The following TMEFF1 variants were observed in gnomAD, a reference collection of about 807,000 sequenced individuals.
TMEFF1 encodes tomoregulin-1.
In TMEFF1, 20 loss-of-function variants were observed where a neutral mutation model predicts 47.5. The observed-to-expected ratio is 0.42, with a 90% CI of 0.30 to 0.61. TMEFF1 has a LOEUF of 0.61. Among genes scored for constraint, TMEFF1 ranks in the 20% least tolerant of loss-of-function variants. The pLI, the probability that TMEFF1 is intolerant of heterozygous loss-of-function variation, is 0.19. For synonymous variants in TMEFF1, 162 were observed against 166.3 expected (o/e 0.97, Z 0.20); for missense variants, 411 against 471.1 (o/e 0.87, Z 1.18).
rs1187115730 is a variant in TMEFF1 at position 100,576,516 on chromosome 9, A to G, written c.1059A>G (p.Arg353=). The G allele has an allele frequency of 1.2e-6, 2 of 1,606,638 alleles. No individual in the cohort carries two copies. The highest frequency in any genetic ancestry group is 2.2e-5 in the East Asian group (1 of 44,808). The change falls in exon 10 of 10, where the codon AGA becomes AGG. Residue 353 remains arginine (R), a splice_region_variant and synonymous_variant. Transcript: ENST00000374879. ...IIVAIVMCIT[R]KCPKNNRGRR... The stretch of plus-strand genomic sequence containing the variant: ...TCTCTTTCTTTTTTTAATGCAACAG[A>G]AAATGCCCCAAAAACAATAGAGGAC...
Position 100,526,955 on chromosome 9 carries a change from C to CAAAAA in TMEFF1, c.560+10206_560+10210dup, listed in dbSNP as rs55736750. The stretch of plus-strand genomic sequence containing the variant: ...TGAAACCCTGTCTCTGCTAAAAATA[C>CAAAAA]AAAAAAAAAAAAAAAAAAAAAAAAA... On this transcript the variant is annotated intron_variant, in intron 5 of 9. Transcript: ENST00000374879. Among the ~76,000 whole-genome samples the CAAAAA allele has an allele frequency of 9.0e-4, 35 of 38,976 alleles. 1 individual carries two copies. The highest frequency in any genetic ancestry group is 2.9e-3 in the African/African-American group (32 of 11,076). 25.6% of individuals were successfully genotyped at this position (38,976 alleles called of 152,430 possible).
At chr9:100,572,402 G>A (rs1248293678) in intron 8 of TMEFF1, 116 bp from the exon 9 acceptor site, 1 of 1,189,232 alleles carries the variant, frequency 8.4e-7, no homozygotes, top group Admixed American at 3.3e-5. Flanking sequence ...GTAGGAAAGT[G>A]CATGATATCC....
intron 8 of TMEFF1, among the ~76,000 whole-genome samples, chr9:100,568,459 G>T (rs1012348240): frequency 6.6e-6 from 1 of 152,136 alleles, no homozygotes; most frequent in Non-Finnish European, 1.5e-5. Context: ...CTTTAAATGA[G>T]GACCAATGAG....
At chr9:100,530,081 C>T (rs368667840) in intron 5 of TMEFF1, among the ~76,000 whole-genome samples, 20 of 151,556 alleles carry the variant, frequency 1.3e-4, no homozygotes, top group Middle Eastern at 3.4e-3. Context: ...ATCTCTGGGA[C>T]GCATTCAAAG....
At position 100,561,407 on chromosome 9, in the gene TMEFF1, T is replaced by C. The variant is rs1489280382; in HGVS notation, c.786T>C (p.Asp262=). 1 of 1,612,824 alleles carries C rather than the reference T, an allele frequency of 6.2e-7. No homozygotes were observed. The highest frequency in any genetic ancestry group is 1.7e-5 in the Admixed American group (1 of 59,818). ...QYRPDVKDAS[D]QREDVYIGNH... is the part of the protein sequence containing the mutation. ...TTATGTTCTTTTAAGATGCTAGTGATCAAAGAGAAGATGTTTATATTGGAA... is the reference window on the plus strand; with the variant it reads ...TTATGTTCTTTTAAGATGCTAGTGACCAAAGAGAAGATGTTTATATTGGAA... Residue 262 remains aspartate, a synonymous_variant, in exon 8 of 10, where the codon GAT becomes GAC. Transcript: ENST00000374879.
intron 1 of TMEFF1, among the ~76,000 whole-genome samples, chr9:100,482,162 A>G (rs993322364): frequency 4.8e-5 from 7 of 144,460 alleles, no homozygotes. Context: ...TTTTCTGCCG[A>G]CTCTTCTTCT....
intron 5 of TMEFF1, among the ~76,000 whole-genome samples, chr9:100,537,933 T>A (rs1163971559): frequency 6.6e-6 from 1 of 152,192 alleles, no homozygotes; most frequent in African/African-American, 2.4e-5. Flanking sequence ...AAAATTTTTT[T>A]CTGTTTCCTT....
At chr9:100,506,623 C>T (rs998025800) in intron 2 of TMEFF1, among the ~76,000 whole-genome samples, 3 of 151,770 alleles carry the variant, frequency 2.0e-5, no homozygotes, top group Admixed American at 6.6e-5. Flanking sequence ...AAAAATTAGC[C>T]GGACGTGGTG....
At chr9:100,505,537 C>G (rs1429026860) in intron 2 of TMEFF1, among the ~76,000 whole-genome samples, 1 of 145,176 alleles carries the variant, frequency 6.9e-6, no homozygotes, top group African/African-American at 2.6e-5. Context: ...TAAGTTATAA[C>G]AGATCAGACT....
chr9:100,544,623 C>G (rs1838698231), intron 5 of TMEFF1, among the ~76,000 whole-genome samples: 1 of 152,186 alleles, frequency 6.6e-6, no homozygotes, highest in Admixed American at 6.5e-5. Context: ...ATCTCATGTC[C>G]TCACATTTCA....
At chr9:100,501,933 G>T (rs1323245981) in intron 2 of TMEFF1, among the ~76,000 whole-genome samples, 1 of 152,074 alleles carries the variant, frequency 6.6e-6, no homozygotes, top group Non-Finnish European at 1.5e-5. Flanking sequence ...ATGAGCCACC[G>T]CGCCTGGCTA....
At chr9:100,485,980 T>C (rs919492799) in intron 1 of TMEFF1, among the ~76,000 whole-genome samples, 1 of 152,166 alleles carries the variant, frequency 6.6e-6, no homozygotes, top group African/African-American at 2.4e-5. Flanking sequence ...CGTATTCTTG[T>C]ACCTTTAAAA....
At chr9:100,556,775 T>C (rs1438954757) in intron 7 of TMEFF1, among the ~76,000 whole-genome samples, 1 of 152,198 alleles carries the variant, frequency 6.6e-6, no homozygotes, top group Non-Finnish European at 1.5e-5. Flanking sequence ...ATTTTTTCTG[T>C]GTGTCTAGTA....
In TMEFF1 at chr9:100,516,791, G is replaced by A. The variant is rs778974672; in HGVS notation, c.560+20G>A. 6 of 1,609,540 alleles carry A rather than the reference G, an allele frequency of 3.7e-6. No homozygotes were observed. The highest frequency in any genetic ancestry group is 2.7e-5 in the African/African-American group (2 of 74,696). On this transcript the variant is annotated intron_variant, in intron 5 of 9. Coordinates refer to ENST00000374879, the MANE Select transcript of TMEFF1 (RefSeq NM_003692.5). The stretch of plus-strand genomic sequence containing the variant: ...TGTTGGGTGAGTTGGTTGAGGGGAA[G>A]GGACAAAGTTATTTAGAGATTAATC...
rs1367908320 is a variant in TMEFF1, at chr9:100,577,377, G to A, written c.*777G>A. The A allele has an allele frequency of 2.0e-5, 3 of 152,538 alleles. No homozygotes were observed. The highest frequency in any genetic ancestry group is 4.8e-5 in the African/African-American group (2 of 41,446). 9.4% of individuals were successfully genotyped at this position (152,538 alleles called of 1,614,324 possible). On this transcript the variant is annotated 3_prime_UTR_variant, in exon 10 of 10. Coordinates refer to ENST00000374879, the MANE Select transcript of TMEFF1 (RefSeq NM_003692.5). ...GTGTTTGTGAATAAAATACAAAAAT[G>A]ATTGTTAATGATTGGTGCTCTTAAA...
intron 5 of TMEFF1, among the ~76,000 whole-genome samples, chr9:100,525,620 CTCAT>C (rs1004239657): frequency 1.3e-5 from 2 of 151,910 alleles, no homozygotes; most frequent in African/African-American, 4.8e-5. Context: ...GACTGGTTAA[CTCAT>C]TGGTCATTGG....
At chr9:100,540,601 C>T (rs939926824) in intron 5 of TMEFF1, among the ~76,000 whole-genome samples, 4 of 152,220 alleles carry the variant, frequency 2.6e-5, no homozygotes, top group African/African-American at 9.6e-5. Context: ...TGAAGGGCTC[C>T]TCAAGCAGGG....
intron 5 of TMEFF1, among the ~76,000 whole-genome samples, chr9:100,541,407 A>G (rs1392666178): frequency 7.8e-6 from 1 of 127,488 alleles, no homozygotes; most frequent in East Asian, 2.2e-4. Context: ...GGAGTCTTAC[A>G]CTGTTGCCCA....
At chr9:100,476,146 A>G (rs1386572698) in intron 1 of TMEFF1, among the ~76,000 whole-genome samples, 2 of 139,456 alleles carry the variant, frequency 1.4e-5, no homozygotes, top group Non-Finnish European at 3.1e-5. Flanking sequence ...TAGCAGTAAG[A>G]TATACTTGAA....
Sources: allele counts gnomAD v4.1 joint callset (sites outside exome capture counted in the v4.1 genomes callset), GRCh38; gene constraint gnomAD v4.1.1; transcripts MANE v1.5; gene names NCBI Gene and HGNC (gene_info 2026-07-23, HGNC 2026-07-21).